Variants in SLC44A5 observed in about 807,000 individuals in gnomAD.
SLC44A5 encodes solute carrier family 44 member 5, also known as choline transporter-like protein 5.
In SLC44A5, 57 loss-of-function variants were observed where a neutral mutation model predicts 101.8. The ratio of observed to expected loss-of-function variants is 0.56; its 90% CI spans 0.45 to 0.70. SLC44A5 has a LOEUF of 0.70. Ranked by LOEUF, SLC44A5 falls within the 30% of genes least tolerant of loss-of-function variation. SLC44A5 has a pLI of 0.00. For synonymous variants in SLC44A5, 281 were observed against 290.9 expected, an observed-to-expected ratio of 0.97 and a Z score of 0.35; for missense variants, 737 against 853.1, an observed-to-expected ratio of 0.86 and a Z score of 1.70.
intron 3 of SLC44A5, among the ~76,000 whole-genome samples, chr1:75,345,747 C>G: frequency 6.6e-6 from 1 of 152,066 alleles, no homozygotes; most frequent in East Asian, 1.9e-4. Context: ...GACATGACAG[C>G]AGTTAGAGGA....
intron 2 of SLC44A5, among the ~76,000 whole-genome samples, chr1:75,501,894 A>G (rs1203251235): frequency 6.6e-6 from 1 of 152,242 alleles, no homozygotes; most frequent in Non-Finnish European, 1.5e-5. Context: ...TAACTTCCAT[A>G]GTTCTTTTTA....
chr1:75,478,686 C>T (rs1667604808), intron 2 of SLC44A5, among the ~76,000 whole-genome samples: 2 of 152,132 alleles, frequency 1.3e-5, no homozygotes, highest in Non-Finnish European at 2.9e-5. Context: ...GGGATCAATT[C>T]AACAAGAAGA....
intron 5 of SLC44A5, among the ~76,000 whole-genome samples, chr1:75,291,395 A>G (rs1378302887): frequency 6.6e-6 from 1 of 152,202 alleles, no homozygotes; most frequent in Non-Finnish European, 1.5e-5. Flanking sequence ...ACCTGGGAAT[A>G]TAATGGTCCT....
intron 2 of SLC44A5, among the ~76,000 whole-genome samples, chr1:75,495,821 G>A (rs190179674): frequency 6.6e-6 from 1 of 151,966 alleles, no homozygotes; most frequent in Non-Finnish European, 1.5e-5. Flanking sequence ...AGTTTTTGTG[G>A]GTATATAGGA....
intron 6 of SLC44A5, among the ~76,000 whole-genome samples, chr1:75,255,315 A>G (rs1466161028): frequency 1.3e-5 from 2 of 152,154 alleles, no homozygotes; most frequent in Non-Finnish European, 2.9e-5. Context: ...CATAGGAGGG[A>G]ACTTTAAAAC....
chr1:75,499,902 A>C (rs185917062), intron 2 of SLC44A5, among the ~76,000 whole-genome samples: 115 of 152,286 alleles, frequency 7.6e-4, no homozygotes, highest in African/African-American at 2.6e-3. Context: ...AGGTGTGGGT[A>C]TGCTAACTTA....
chr1:75,461,671 C>G (rs996748705), intron 2 of SLC44A5, among the ~76,000 whole-genome samples: 3 of 152,182 alleles, frequency 2.0e-5, no homozygotes, highest in African/African-American at 7.2e-5. Flanking sequence ...TGAAACTGCT[C>G]TCGGCCAGAG....
intron 3 of SLC44A5, among the ~76,000 whole-genome samples, chr1:75,362,156 T>C (rs576359855): frequency 3.3e-5 from 5 of 152,128 alleles, no homozygotes; most frequent in Non-Finnish European, 5.9e-5. Context: ...TATAATGTTC[T>C]CTTTTCATGT....
At chr1:75,646,381 T>C in the SLC44A5 span, among the ~76,000 whole-genome samples, 2 of 152,068 alleles carry the variant, frequency 1.3e-5, no homozygotes, top group Non-Finnish European at 1.5e-5. Context: ...GGTATTTTAT[T>C]CTCTTTGAAG....
chr1:75,234,107 A>G lies in SLC44A5; in HGVS notation c.741-9T>C, dbSNP rs760681940. The G allele has an allele frequency of 4.4e-5, 70 of 1,598,568 alleles. 1 individual carries two copies. In the South Asian group the frequency reaches 7.4e-4, roughly 17 times the overall value. On this transcript the variant is annotated splice_polypyrimidine_tract_variant and intron_variant, in intron 11 of 23. Coordinates refer to ENST00000370859, the MANE Select transcript of SLC44A5 (RefSeq NM_001130058.2). Reference sequence around the variant, plus strand: ...TGGCAATCGTCAGGCCACTAGAAAAAACCCACAACAAACACAGTGGTCAAG... The same window carrying G: ...TGGCAATCGTCAGGCCACTAGAAAAGACCCACAACAAACACAGTGGTCAAG...
chr1:75,560,063 T>C (rs1020486480), intron 1 of SLC44A5, among the ~76,000 whole-genome samples: 2 of 152,106 alleles, frequency 1.3e-5, no homozygotes, highest in African/African-American at 2.4e-5. Context: ...TGTGAAGAAA[T>C]TGGAACCCTC....
rs757919213 is a variant in SLC44A5 at position 75,213,837 on chromosome 1, G to T, written c.1874-44C>A. 7.1e-6 allele frequency: 11 copies of T among 1,552,526 alleles called. No homozygotes were observed. In the South Asian group the frequency reaches 9.4e-5, roughly 13 times the overall value. On this transcript the variant is annotated intron_variant, in intron 21 of 23. Coordinates refer to ENST00000370859, the MANE Select transcript of SLC44A5 (RefSeq NM_001130058.2). ...ACATGTATATTATACTTTTGCAAAA[G>T]AATATAGTTTTTTGTAGTAAAGCAG... is the stretch of plus-strand genomic sequence containing the variant.
At chr1:75,661,719 C>A in the SLC44A5 span, among the ~76,000 whole-genome samples, 1 of 151,936 alleles carries the variant, frequency 6.6e-6, no homozygotes, top group African/African-American at 2.4e-5. Context: ...AGGAGACATA[C>A]AAATGTTCAA....
the SLC44A5 span, among the ~76,000 whole-genome samples, chr1:75,624,107 C>A: frequency 1.3e-5 from 2 of 152,154 alleles, no homozygotes; most frequent in African/African-American, 4.8e-5. Flanking sequence ...GTTAAAAGGA[C>A]AAAGGAGCCA....
At chr1:75,561,990 C>G (rs1672544369) in intron 1 of SLC44A5, among the ~76,000 whole-genome samples, 1 of 151,882 alleles carries the variant, frequency 6.6e-6, no homozygotes, top group Non-Finnish European at 1.5e-5. Context: ...GAAAAGATAA[C>G]TATTGGGTTC....
rs550990899 is a variant in SLC44A5 at position 75,530,371 on chromosome 1, A to C, written c.13+11064T>G. 1.8e-3 allele frequency among the ~76,000 whole-genome samples: 268 copies of C among 152,264 alleles called. 1 individual carries two copies. The highest frequency in any genetic ancestry group is 3.4e-3 in the Middle Eastern group (1 of 294). On this transcript the variant is annotated intron_variant, in intron 2 of 23. Coordinates refer to ENST00000370859, the MANE Select transcript of SLC44A5 (RefSeq NM_001130058.2). ...GGTACAGCAAAATGCTACCCAAACT[A>C]TTGGTAATTTATTAGTAAGTGTAAT...
chr1:75,476,830 GACAA>G (rs1667439683), intron 2 of SLC44A5, among the ~76,000 whole-genome samples: 1 of 152,248 alleles, frequency 6.6e-6, no homozygotes, highest in Non-Finnish European at 1.5e-5. Flanking sequence ...GCAGGGCACA[GACAA>G]ACAAAAAGAC....
intron 2 of SLC44A5, among the ~76,000 whole-genome samples, chr1:75,463,742 A>T (rs1408874234): frequency 6.6e-6 from 1 of 152,202 alleles, no homozygotes; most frequent in African/African-American, 2.4e-5. Flanking sequence ...AAGGAATGTT[A>T]ATTAGTAATA....
intron 1 of SLC44A5, among the ~76,000 whole-genome samples, chr1:75,588,959 T>C (rs1674182676): frequency 6.6e-6 from 1 of 152,170 alleles, no homozygotes; most frequent in Non-Finnish European, 1.5e-5. Flanking sequence ...AACAAGTTAA[T>C]ATTGACAAAG....
Sources: allele counts gnomAD v4.1 joint callset (sites outside exome capture counted in the v4.1 genomes callset), GRCh38; gene constraint gnomAD v4.1.1; transcripts MANE v1.5; gene names NCBI Gene and HGNC (gene_info 2026-07-23, HGNC 2026-07-21).